The following OXR1 variants were observed in gnomAD, a reference collection of about 807,000 sequenced individuals.
The protein encoded by OXR1 is oxidation resistance 1.
In OXR1, 41 loss-of-function variants were observed where a neutral mutation model predicts 104.6. The ratio of observed to expected loss-of-function variants is 0.39; its 90% CI spans 0.31 to 0.51. OXR1 has a LOEUF of 0.51. Ranked by LOEUF, OXR1 falls within the 20% of genes least tolerant of loss-of-function variation. The probability of loss-of-function intolerance (pLI) is 0.77; values close to 1 mark genes in which losing one functional copy is unlikely to be tolerated. For synonymous variants in OXR1, 348 were observed against 348.4 expected (o/e 1.00, Z 0.01); for missense variants, 955 against 1,031.9 (o/e 0.93, Z 1.02).
At chr8:106,484,355 G>GC (rs1320729282) in intron 2 of OXR1, among the ~76,000 whole-genome samples, 1 of 151,998 alleles carries the variant, frequency 6.6e-6, no homozygotes. Context: ...TAGCCCAGTT[G>GC]CCCTGAATTG....
At chr8:106,735,919 C>A (rs1834324831) in intron 11 of OXR1, among the ~76,000 whole-genome samples, 1 of 151,870 alleles carries the variant, frequency 6.6e-6, no homozygotes, top group African/African-American at 2.4e-5. Flanking sequence ...AAAATAAAAA[C>A]CAAAAATTAA....
chr8:106,340,568 G>T (rs888654500), intron 1 of OXR1, among the ~76,000 whole-genome samples: 3 of 151,998 alleles, frequency 2.0e-5, no homozygotes, highest in African/African-American at 7.2e-5. Flanking sequence ...TTTCTTCATA[G>T]CATTTATGAT....
chr8:106,536,228 AAG>A (rs1457141968), intron 3 of OXR1, among the ~76,000 whole-genome samples: 4 of 32,598 alleles, frequency 1.2e-4, no homozygotes, highest in Non-Finnish European at 1.4e-4. Flanking sequence ...TCAAAAAAAA[AAG>A]AAAGAAAGAA....
intron 3 of OXR1, among the ~76,000 whole-genome samples, chr8:106,562,921 G>T (rs2130503001): frequency 6.6e-6 from 1 of 152,300 alleles, no homozygotes; most frequent in Admixed American, 6.5e-5. Context: ...AGCAAATGCT[G>T]AGAGATTTTG....
chr8:106,372,130 A>G (rs183626854), intron 2 of OXR1, among the ~76,000 whole-genome samples: 3 of 152,340 alleles, frequency 2.0e-5, no homozygotes, highest in African/African-American at 7.2e-5. Flanking sequence ...CAGGGTTGGA[A>G]CAGTAGGCCT....
At chr8:106,476,734 C>T (rs959472852) in intron 2 of OXR1, among the ~76,000 whole-genome samples, 2 of 151,944 alleles carry the variant, frequency 1.3e-5, no homozygotes, top group African/African-American at 4.8e-5. Context: ...GTTGTCCTGA[C>T]ATTTTAAAGC....
At chr8:106,624,722 C>T (rs989334404) in intron 3 of OXR1, among the ~76,000 whole-genome samples, 5 of 152,124 alleles carry the variant, frequency 3.3e-5, no homozygotes, top group African/African-American at 7.2e-5. Context: ...CTGTAAAAAA[C>T]CTTTGACATA....
At chr8:106,570,193 G>T (rs1453212) in intron 3 of OXR1, among the ~76,000 whole-genome samples, 76,264 of 151,962 alleles carry the variant, frequency 0.5, 19,347 homozygotes, top group African/African-American at 0.53. Flanking sequence ...AATCATTAAT[G>T]CTGCTTCCAC....
chr8:106,740,406 A>G lies in OXR1; in HGVS notation c.2227A>G (p.Lys743Glu). 5.0e-6 allele frequency: 8 copies of G among 1,613,340 alleles called. No homozygotes were observed. Among genetic ancestry groups the G allele is most frequent in the Non-Finnish European group, 6.8e-6 (8 of 1,179,396 alleles). The change falls in exon 14 of 17, where the codon AAA (lysine) becomes GAA (glutamate). Residue 743 changes from lysine to glutamate, a missense_variant. Physicochemically the swap from Lys to Glu is moderately conservative, Grantham distance 56. This residue lies in a region of OXR1 where 106 missense variants were observed against 179.0 expected (regional missense o/e 0.59). Coordinates refer to ENST00000517566, the MANE Select transcript of OXR1 (RefSeq NM_001198533.2). ...YPWTLVYGTG[K>E]HGTSLKTLYR... ...ATGGACTCTTGTTTATGGTACTGGAAAACATGGCACAAGCTTGAAAACTCT... is the reference window on the plus strand; with the variant it reads ...ATGGACTCTTGTTTATGGTACTGGAGAACATGGCACAAGCTTGAAAACTCT...
chr8:106,556,825 C>T (rs1816319454), intron 3 of OXR1, among the ~76,000 whole-genome samples: 1 of 152,156 alleles, frequency 6.6e-6, no homozygotes, highest in Non-Finnish European at 1.5e-5. Flanking sequence ...AGTCACTTTT[C>T]TGTGTATATG....
intron 3 of OXR1, chr8:106,657,899 A>T (rs955297330): frequency 7.2e-6 from 9 of 1,245,942 alleles, no homozygotes; most frequent in African/African-American, 3.1e-5. Flanking sequence ...GTCAGGTCTG[A>T]TGGGCCGGTG....
intron 3 of OXR1, among the ~76,000 whole-genome samples, chr8:106,526,614 C>T (rs930837340): frequency 1.3e-5 from 2 of 152,246 alleles, no homozygotes; most frequent in African/African-American, 4.8e-5. Flanking sequence ...GCAATCTCGG[C>T]TCGCTGCAAG....
At chr8:106,382,640 T>G (rs1250040509) in intron 2 of OXR1, among the ~76,000 whole-genome samples, 1 of 151,666 alleles carries the variant, frequency 6.6e-6, no homozygotes, top group Non-Finnish European at 1.5e-5. Context: ...CAATCCGGTA[T>G]TTTCTTTTCT....
intron 3 of OXR1, among the ~76,000 whole-genome samples, chr8:106,523,147 T>C (rs1813383429): frequency 6.6e-6 from 1 of 152,178 alleles, no homozygotes; most frequent in Non-Finnish European, 1.5e-5. Context: ...TGTCATGTGG[T>C]CCCCTCCACC....
intron 3 of OXR1, among the ~76,000 whole-genome samples, chr8:106,540,300 G>A (rs904958514): frequency 2.0e-5 from 3 of 152,142 alleles, no homozygotes; most frequent in Non-Finnish European, 4.4e-5. Flanking sequence ...TCTAAAGCCC[G>A]TGGGTAAAAG....
At chr8:106,553,481 G>A (rs1816031929) in intron 3 of OXR1, among the ~76,000 whole-genome samples, 2 of 151,674 alleles carry the variant, frequency 1.3e-5, no homozygotes, top group African/African-American at 4.8e-5. Context: ...ACCACACCTG[G>A]CTAAATTTTT....
intron 1 of OXR1, among the ~76,000 whole-genome samples, chr8:106,300,323 T>C (rs1427777788): frequency 6.6e-6 from 1 of 152,042 alleles, no homozygotes; most frequent in Non-Finnish European, 1.5e-5. Context: ...TTTGATTAAT[T>C]TGAGTCCTGC....
chr8:106,344,539 A>T (rs535034422), intron 1 of OXR1, among the ~76,000 whole-genome samples: 1 of 152,168 alleles, frequency 6.6e-6, no homozygotes, highest in Admixed American at 6.5e-5. Context: ...GGGTTTCACC[A>T]TTTTAGCCAG....
chr8:106,569,437 T>C (rs1817309548), intron 3 of OXR1, among the ~76,000 whole-genome samples: 1 of 152,144 alleles, frequency 6.6e-6, no homozygotes, highest in Admixed American at 6.6e-5. Flanking sequence ...ATAGGTATTA[T>C]GTTGAAAAAT....
Sources: allele counts gnomAD v4.1 joint callset (sites outside exome capture counted in the v4.1 genomes callset), GRCh38; gene constraint gnomAD v4.1.1; regional missense constraint gnomAD v4.1.1; transcripts MANE v1.5; gene names NCBI Gene and HGNC (gene_info 2026-07-23, HGNC 2026-07-21).